Variants in EFHC2 observed in about 807,000 individuals in gnomAD.
EFHC2 encodes EF-hand domain-containing family member C2.
In EFHC2, 18 loss-of-function variants were observed where a neutral mutation model predicts 52.7. The ratio of observed to expected loss-of-function variants is 0.34; its 90% CI spans 0.24 to 0.51. The LOEUF is 0.51. EFHC2 is among the 20% of genes least tolerant of loss of function. EFHC2 has a pLI of 0.97. For missense variants in EFHC2, 513 were observed against 562.5 expected, an observed-to-expected ratio of 0.91 and a Z score of 0.89; for synonymous variants, 203 against 204.1, an observed-to-expected ratio of 0.99 and a Z score of 0.04.
chrX:44,211,597 C>T (rs1297699328), intron 11 of EFHC2, among the ~76,000 whole-genome samples: 1 of 110,357 alleles, frequency 9.1e-6, no homozygotes, highest in Non-Finnish European at 1.9e-5. Context: ...CTCAGTGGCT[C>T]AAGCCTGTAA....
At position 44,148,874 on chromosome X, in the gene EFHC2, C is replaced by T; in HGVS notation, c.2171G>A (p.Gly724Asp). The T allele has an allele frequency of 8.5e-7, 1 of 1,181,278 alleles. No homozygotes were observed. Among genetic ancestry groups the T allele is most frequent in the Non-Finnish European group, 1.1e-6 (1 of 879,187 alleles). Residue 724 changes from glycine to aspartate, a missense_variant, in exon 15 of 15, where the codon GGT becomes GAT. Gly to Asp is a moderately conservative substitution (Grantham distance 94, BLOSUM62 -1). Coordinates refer to ENST00000420999, the MANE Select transcript of EFHC2 (RefSeq NM_025184.4). ...TTTCGCAGGAATAGGTGATGGCATACCAAGCCAAACATCTTCACATCTCTA... is the reference window on the plus strand; with the variant it reads ...TTTCGCAGGAATAGGTGATGGCATATCAAGCCAAACATCTTCACATCTCTA... The part of the protein sequence containing the change: ...LKERCEDVWL[G>D]MPSPIPAKYI...
chrX:44,250,119 AAC>A (rs2147335937), intron 5 of EFHC2, 73 bp downstream of exon 5: 3 of 1,124,841 alleles, frequency 2.7e-6, no homozygotes, highest in Non-Finnish European at 3.6e-6. Flanking sequence ...ATATAGTCAT[AAC>A]ACACAACATT....
intron 11 of EFHC2, among the ~76,000 whole-genome samples, chrX:44,198,226 A>C (rs2036979857): frequency 2.7e-5 from 3 of 111,916 alleles, no homozygotes; most frequent in African/African-American, 9.8e-5. Flanking sequence ...AAACATAAGA[A>C]ACACTCTATC....
intron 9 of EFHC2, among the ~76,000 whole-genome samples, chrX:44,233,080 C>T (rs763489519): frequency 2.7e-5 from 3 of 112,006 alleles, no homozygotes; most frequent in Non-Finnish European, 3.8e-5. Flanking sequence ...CTACTCCCTT[C>T]CCAGTCCAAT....
chrX:44,277,167 G>A (rs2037664911), intron 2 of EFHC2, among the ~76,000 whole-genome samples: 2 of 106,782 alleles, frequency 1.9e-5, no homozygotes, highest in Admixed American at 1.0e-4. Context: ...GGTGAGGCAG[G>A]AGAATGGCAT....
chrX:44,300,659 C>T (rs1299823797), intron 2 of EFHC2, among the ~76,000 whole-genome samples: 1 of 111,442 alleles, frequency 9.0e-6, no homozygotes, highest in Non-Finnish European at 1.9e-5. Context: ...AGCCCTTTCC[C>T]AAAACAACCC....
chrX:44,240,014 T>C (rs2037348372), intron 8 of EFHC2, among the ~76,000 whole-genome samples: 1 of 112,179 alleles, frequency 8.9e-6, no homozygotes, highest in Non-Finnish European at 1.9e-5. Context: ...ATTAACCTCA[T>C]AATAATAGCA....
intron 11 of EFHC2, among the ~76,000 whole-genome samples, chrX:44,189,275 T>C (rs2036902078): frequency 9.0e-6 from 1 of 111,484 alleles, no homozygotes; most frequent in African/African-American, 3.3e-5. Flanking sequence ...TTAACCCTCA[T>C]GACAATCCTT....
intron 11 of EFHC2, among the ~76,000 whole-genome samples, chrX:44,188,136 A>G (rs1283965336): frequency 2.2e-5 from 2 of 91,012 alleles, no homozygotes; most frequent in African/African-American, 8.0e-5. Context: ...ATGTGCCACC[A>G]CGCCCAGCAA....
chrX:44,254,412 T>G (rs773371712), intron 4 of EFHC2, among the ~76,000 whole-genome samples: 3 of 111,682 alleles, frequency 2.7e-5, no homozygotes, highest in Non-Finnish European at 5.6e-5. Flanking sequence ...AATAACCAGT[T>G]TAGAGAAGAA....
chrX:44,251,623 A>G (rs2037449657), intron 4 of EFHC2, among the ~76,000 whole-genome samples: 35 of 74,725 alleles, frequency 4.7e-4, no homozygotes, highest in Middle Eastern at 6.5e-3. Flanking sequence ...AAAAAAAAAA[A>G]AAAAAAAAAA....
intron 11 of EFHC2, among the ~76,000 whole-genome samples, chrX:44,200,405 T>C (rs1181511063): frequency 9.0e-6 from 1 of 111,082 alleles, no homozygotes; most frequent in Non-Finnish European, 1.9e-5. Flanking sequence ...AATTATGATG[T>C]TTAAAATTAT....
chrX:44,321,531 T>C (rs1451540549), intron 1 of EFHC2, among the ~76,000 whole-genome samples: 1 of 111,655 alleles, frequency 9.0e-6, no homozygotes, highest in Non-Finnish European at 1.9e-5. Flanking sequence ...AATATCCCAA[T>C]GTTACGTGAT....
intron 11 of EFHC2, among the ~76,000 whole-genome samples, chrX:44,184,457 T>C (rs2147283854): frequency 9.0e-6 from 1 of 111,637 alleles, no homozygotes; most frequent in African/African-American, 3.3e-5. Flanking sequence ...GCGTGGTGGC[T>C]CACACTTGTA....
intron 14 of EFHC2, among the ~76,000 whole-genome samples, chrX:44,150,242 GA>G (rs945941082): frequency 8.9e-6 from 1 of 111,907 alleles, no homozygotes; most frequent in Non-Finnish European, 1.9e-5. Context: ...TGGAATTTTG[GA>G]AGCAAGCTGA....
At chrX:44,284,760 C>A (rs1253028673) in intron 2 of EFHC2, 1 of 111,828 alleles carries the variant, frequency 8.9e-6, no homozygotes, top group Non-Finnish European at 1.9e-5. Context: ...GACTATAACC[C>A]CCATGTAATA....
chrX:44,249,328 A>C (rs1464457026), intron 5 of EFHC2, among the ~76,000 whole-genome samples: 4 of 111,837 alleles, frequency 3.6e-5, no homozygotes. Context: ...TTTCATGTGC[A>C]CTAAGAAGAC....
intron 9 of EFHC2, among the ~76,000 whole-genome samples, chrX:44,232,971 C>A (rs945984609): frequency 6.3e-5 from 7 of 111,296 alleles, no homozygotes; most frequent in Non-Finnish European, 1.3e-4. Context: ...CAGTACAAGA[C>A]CAGCCTGAGC....
chrX:44,219,475 G>A (rs2037178143), intron 11 of EFHC2, among the ~76,000 whole-genome samples: 1 of 111,342 alleles, frequency 9.0e-6, no homozygotes, highest in African/African-American at 3.3e-5. Flanking sequence ...ATTAAGATGG[G>A]TTAATAGATG....
Sources: allele counts gnomAD v4.1 joint callset (sites outside exome capture counted in the v4.1 genomes callset), GRCh38; gene constraint gnomAD v4.1.1; transcripts MANE v1.5; gene names NCBI Gene and HGNC (gene_info 2026-07-23, HGNC 2026-07-21).